PLCE1: variants seen among roughly 807,000 people sequenced by gnomAD.
PLCE1 encodes the protein phospholipase C epsilon 1, also known as 1-phosphatidylinositol 4,5-bisphosphate phosphodiesterase epsilon-1.
PLCE1 carries 119 observed loss-of-function variants against 242.8 expected under a neutral mutation model. The ratio of observed to expected loss-of-function variants is 0.49; its 90% confidence interval spans 0.42 to 0.57. The LOEUF (loss-of-function observed/expected upper bound fraction) is 0.57, where lower values mean the gene tolerates loss of function less well. Among genes scored for constraint, PLCE1 ranks in the 20% least tolerant of loss-of-function variants. The pLI is 0.00. For missense variants in PLCE1, 2,441 were observed against 2,788.8 expected (o/e 0.88, Z 2.81); for synonymous variants, 945 against 1,017.4 (o/e 0.93, Z 1.35).
At chr10:94,122,900 G>A (rs2046338978) in intron 2 of PLCE1, among the ~76,000 whole-genome samples, 1 of 152,214 alleles carries the variant, frequency 6.6e-6, no homozygotes, top group Non-Finnish European at 1.5e-5. Context: ...ACTCCTGGGT[G>A]AGGAGGATGA....
chr10:94,002,189 A>T (rs1461938832), intron 1 of PLCE1, among the ~76,000 whole-genome samples: 1 of 152,226 alleles, frequency 6.6e-6, no homozygotes, highest in Non-Finnish European at 1.5e-5. Context: ...AAGCTATATA[A>T]GTTTGCAAAA....
At position 94,314,056 on chromosome 10, in the gene PLCE1, G is replaced by A. The variant is rs915869842; in HGVS notation, c.6132+674G>A. 5.3e-5 allele frequency among the ~76,000 whole-genome samples: 8 copies of A among 152,056 alleles called. No homozygotes were observed. The South Asian group carries it at 8.3e-4, about 16-fold the overall frequency. ...AGTCTCCTTATGCTGTGCCACCTCC[G>A]CCCTAGATCCCCCTCCGAAGGATCT... On this transcript the variant is annotated intron_variant, in intron 28 of 32. Coordinates refer to ENST00000371380, the MANE Select transcript of PLCE1 (RefSeq NM_016341.4).
chr10:94,325,507 A>T (rs1396735309), intron 32 of PLCE1: 2 of 191,948 alleles, frequency 1.0e-5, no homozygotes, highest in Non-Finnish European at 2.2e-5. Flanking sequence ...AGGCAGGAGA[A>T]TCACTTGAAC....
chr10:94,221,726 T>A (rs2049753588), intron 4 of PLCE1, among the ~76,000 whole-genome samples: 1 of 151,910 alleles, frequency 6.6e-6, no homozygotes, highest in Non-Finnish European at 1.5e-5. Flanking sequence ...AAGAGGGAAG[T>A]TCTGTCTAAA....
intron 25 of PLCE1, among the ~76,000 whole-genome samples, chr10:94,305,410 G>C (rs186010299): frequency 1.3e-5 from 2 of 152,340 alleles, no homozygotes; most frequent in East Asian, 3.9e-4. Context: ...ACTCCAGCCT[G>C]TGTGACAGAG....
At chr10:94,016,466 C>A (rs1354549063) in intron 1 of PLCE1, among the ~76,000 whole-genome samples, 1 of 151,968 alleles carries the variant, frequency 6.6e-6, no homozygotes, top group East Asian at 1.9e-4. Context: ...TAATTTTGTG[C>A]ATAAAGCAAA....
intron 4 of PLCE1, among the ~76,000 whole-genome samples, chr10:94,176,595 T>C (rs2048132918): frequency 6.6e-6 from 1 of 152,154 alleles, no homozygotes; most frequent in Non-Finnish European, 1.5e-5. Context: ...GTATATTCCT[T>C]GGAATGTTAT....
intron 4 of PLCE1, among the ~76,000 whole-genome samples, chr10:94,213,035 G>T (rs1408729281): frequency 1.3e-5 from 2 of 152,312 alleles, no homozygotes; most frequent in Non-Finnish European, 2.9e-5. Context: ...CTGGGCCCTT[G>T]TTTGACTCCC....
chr10:94,222,222 A>T (rs144779640), intron 4 of PLCE1, among the ~76,000 whole-genome samples: 6 of 152,188 alleles, frequency 3.9e-5, no homozygotes, highest in Non-Finnish European at 8.8e-5. Context: ...GTGAGAATAC[A>T]AGTGAAACTT....
intron 16 of PLCE1, 118 bp from the exon 17 acceptor site, chr10:94,268,811 C>T (rs2051605585): frequency 1.4e-6 from 1 of 704,402 alleles, no homozygotes. Flanking sequence ...ACCATTTGCC[C>T]TTCTGCTTTA....
chr10:94,090,388 T>A (rs528644866), intron 2 of PLCE1, among the ~76,000 whole-genome samples: 1 of 152,312 alleles, frequency 6.6e-6, no homozygotes, highest in East Asian at 1.9e-4. Flanking sequence ...AAATTTCAAT[T>A]AAGTGTTCAT....
chr10:94,247,010 G>T lies in PLCE1; in HGVS notation c.3096+389G>T, dbSNP rs538074756. Among the ~76,000 whole-genome samples, 6 of 151,862 alleles carry T rather than the reference G, an allele frequency of 4.0e-5. No individual in the cohort carries two copies. In the East Asian group the frequency reaches 1.2e-3, roughly 30 times the overall value. On this transcript the variant is annotated intron_variant, in intron 8 of 32. Coordinates refer to ENST00000371380, the MANE Select transcript of PLCE1 (RefSeq NM_016341.4). ...GCCTGTAATCCCAGCTACTCAGTAG[G>T]CTGAGGCAGGAGAATCGCTGGAACC...
At chr10:94,047,324 C>T (rs1440295298) in intron 2 of PLCE1, among the ~76,000 whole-genome samples, 2 of 152,146 alleles carry the variant, frequency 1.3e-5, no homozygotes, top group East Asian at 3.9e-4. Context: ...TGCCAGGGGC[C>T]AGAATTGCTT....
At position 94,329,805 on chromosome 10, in the gene PLCE1, A is replaced by AAAAAAAC. The variant is rs1564905223; in HGVS notation, c.*1864_*1870dup. On this transcript the variant is annotated 3_prime_UTR_variant, in exon 33 of 33. Transcript: ENST00000371380. ...AAAAAAAAAAAAAAAAAAAAAAAAA[A>AAAAAAAC]AAAAAACACCATACAGCTTTCATGT... 9 of 149,474 alleles carry AAAAAAAC rather than the reference A, an allele frequency of 6.0e-5. No individual in the cohort carries two copies. The East Asian group carries it at 7.8e-4, about 13-fold the overall frequency. The allele number at this position is 149,474 out of a possible 1,614,324, so 9.3% of individuals were successfully genotyped here.
intron 29 of PLCE1, among the ~76,000 whole-genome samples, chr10:94,320,211 G>A (rs1015735914): frequency 6.6e-6 from 1 of 151,802 alleles, no homozygotes; most frequent in African/African-American, 2.4e-5. Flanking sequence ...GTATACATAG[G>A]ATACAATCTC....
chr10:94,129,995 CT>C (rs2046549820), intron 2 of PLCE1, among the ~76,000 whole-genome samples: 2 of 152,296 alleles, frequency 1.3e-5, no homozygotes, highest in African/African-American at 4.8e-5. Context: ...TCCCCAGCTG[CT>C]CCAGTTAGAG....
intron 1 of PLCE1, among the ~76,000 whole-genome samples, 163 bp downstream of exon 1, chr10:93,994,421 T>A (rs1372107299): frequency 6.6e-6 from 1 of 152,208 alleles, no homozygotes; most frequent in East Asian, 1.9e-4. Context: ...CGGGCGGTCC[T>A]CCAGGGCATG....
intron 11 of PLCE1, among the ~76,000 whole-genome samples, chr10:94,255,904 ACACACACACACTCTCT>A (rs2051058457): frequency 1.0e-5 from 1 of 98,814 alleles, no homozygotes; most frequent in Non-Finnish European, 2.1e-5. Flanking sequence ...ACACACACAC[ACACACACACACTCTCT>A]CTCTCTCTCT....
chr10:94,148,180 A>T (rs1416642896), intron 3 of PLCE1, among the ~76,000 whole-genome samples: 1 of 152,152 alleles, frequency 6.6e-6, no homozygotes, highest in Non-Finnish European at 1.5e-5. Flanking sequence ...TAAATTAATG[A>T]ATATAAAGTG....
Sources: gnomAD v4.1 joint callset for allele counts (sites outside exome capture counted in the v4.1 genomes callset) on GRCh38, gnomAD v4.1.1 for gene constraint, MANE v1.5 for transcripts, NCBI Gene and HGNC (gene_info 2026-07-23, HGNC 2026-07-21) for gene names.